Variants in MYOCD observed in about 807,000 individuals in gnomAD.
MYOCD encodes the protein myocardin.
Under a neutral mutation model 96.1 loss-of-function variants are expected in MYOCD, and 32 were observed. That is an observed-to-expected ratio of 0.33 (90% CI 0.25 to 0.45). MYOCD has a LOEUF of 0.45. Among genes scored for constraint, MYOCD ranks in the 20% least tolerant of loss-of-function variants. The pLI is 1.00. For missense variants in MYOCD, 1,133 were observed against 1,200.6 expected, an observed-to-expected ratio of 0.94 and a Z score of 0.83; for synonymous variants, 469 against 469.0, an observed-to-expected ratio of 1.00 and a Z score of 0.00.
intron 4 of MYOCD, among the ~76,000 whole-genome samples, chr17:12,721,429 G>T (rs539130616): frequency 6.6e-6 from 1 of 152,330 alleles, no homozygotes; most frequent in Non-Finnish European, 1.5e-5. Context: ...AAGCGAAAGA[G>T]ATCTATAAGA....
chr17:12,689,067 TTTC>T (rs552557289), intron 1 of MYOCD, among the ~76,000 whole-genome samples: 5 of 152,196 alleles, frequency 3.3e-5, no homozygotes, highest in African/African-American at 7.2e-5. Context: ...ATCTTTTCTA[TTTC>T]TTCTTCTTTC....
intron 1 of MYOCD, among the ~76,000 whole-genome samples, chr17:12,703,751 A>AT (rs137968466): frequency 0.021 from 3,105 of 149,550 alleles, 148 homozygotes; most frequent in Admixed American, 0.11. Flanking sequence ...GGCTCTGCTC[A>AT]TTTTTTTTTC....
chr17:12,717,357 C>G lies in MYOCD; in HGVS notation c.189C>G (p.Ser63=). The G allele has an allele frequency of 1.2e-6, 2 of 1,613,762 alleles. No homozygotes were observed. The highest frequency in any genetic ancestry group is 1.7e-6 in the Non-Finnish European group (2 of 1,179,858). The change falls in exon 4 of 14, where the codon TCC becomes TCG. Residue 63 remains serine (S), a synonymous_variant. Coordinates refer to ENST00000425538, the MANE Select transcript of MYOCD (RefSeq NM_001146312.3). ...TTTGGGTTCTACAGGCTAAAAATTC[C>G]CTGAAGCGCAAAGCCAGAAACAGGT... ...KHLDSDKAKN[S]LKRKARNRCN...
intron 1 of MYOCD, among the ~76,000 whole-genome samples, chr17:12,675,578 G>A (rs977278290): frequency 1.3e-5 from 2 of 152,280 alleles, no homozygotes; most frequent in East Asian, 1.9e-4. Flanking sequence ...AAAAGTATTG[G>A]CCAGGCACGG....
chr17:12,723,477 T>C (rs2031907998), intron 5 of MYOCD, among the ~76,000 whole-genome samples: 1 of 152,212 alleles, frequency 6.6e-6, no homozygotes, highest in Admixed American at 6.5e-5. Context: ...GCTCACAGGC[T>C]CCTGGGAGTG....
intron 1 of MYOCD, among the ~76,000 whole-genome samples, chr17:12,693,314 CAAAA>C (rs1012324610): frequency 6.6e-6 from 1 of 151,232 alleles, no homozygotes; most frequent in Non-Finnish European, 1.5e-5. Context: ...AACAAACAAA[CAAAA>C]AAAACCATAG....
intron 2 of MYOCD, among the ~76,000 whole-genome samples, chr17:12,713,818 C>G (rs1363714331): frequency 6.6e-6 from 1 of 152,136 alleles, no homozygotes; most frequent in Non-Finnish European, 1.5e-5. Flanking sequence ...AAAGAAAATG[C>G]ATGCGCAACA....
chr17:12,758,267 A>G (rs771101801), intron 12 of MYOCD, 54 bp downstream of exon 12: 18 of 1,609,866 alleles, frequency 1.1e-5, no homozygotes, highest in Non-Finnish European at 1.4e-5. Flanking sequence ...ATGAACAGAC[A>G]TTGTTTGATA....
intron 1 of MYOCD, among the ~76,000 whole-genome samples, chr17:12,702,889 T>G (rs997256219): frequency 6.6e-6 from 1 of 151,992 alleles, no homozygotes; most frequent in African/African-American, 2.4e-5. Context: ...TAATTTTTCC[T>G]TATAAAGTTG....
At chr17:12,736,518 A>T (rs772963156) in intron 6 of MYOCD, among the ~76,000 whole-genome samples, 182 bp downstream of exon 6, 3 of 152,194 alleles carry the variant, frequency 2.0e-5, no homozygotes, top group Non-Finnish European at 2.9e-5. Context: ...GTGTGGGGTG[A>T]CAAAAGCTCC....
intron 6 of MYOCD, among the ~76,000 whole-genome samples, chr17:12,738,901 G>A (rs2032422942): frequency 1.3e-5 from 2 of 151,358 alleles, no homozygotes; most frequent in Admixed American, 1.3e-4. Context: ...TCATTACTTA[G>A]AATGATTCCC....
chr17:12,678,869 G>A (rs960419858), intron 1 of MYOCD, among the ~76,000 whole-genome samples: 24 of 138,754 alleles, frequency 1.7e-4, no homozygotes, highest in Non-Finnish European at 6.3e-5. Context: ...CTAATTTTTT[G>A]TATTTTTTTA....
intron 5 of MYOCD, among the ~76,000 whole-genome samples, chr17:12,725,925 G>A (rs1249053963): frequency 6.6e-6 from 1 of 152,060 alleles, no homozygotes; most frequent in African/African-American, 2.4e-5. Context: ...AGATGATGAG[G>A]TGGCTTTTCT....
At chr17:12,708,869 G>A (rs981265880) in intron 2 of MYOCD, among the ~76,000 whole-genome samples, 7 of 152,048 alleles carry the variant, frequency 4.6e-5, no homozygotes, top group Admixed American at 2.0e-4. Context: ...TTTTTCAAAC[G>A]TTCAAAATGA....
intron 4 of MYOCD, 102 bp downstream of exon 4, chr17:12,717,523 C>T: frequency 1.1e-6 from 1 of 943,262 alleles, no homozygotes; most frequent in Non-Finnish European, 1.6e-6. Context: ...TCTTAAAAAT[C>T]TCCCTTGCCG....
At position 12,680,579 on chromosome 17, in the gene MYOCD, G is replaced by A. The variant is rs576575180; in HGVS notation, c.55+14336G>A. 5.9e-5 allele frequency among the ~76,000 whole-genome samples: 9 copies of A among 152,156 alleles called. No homozygotes were observed. The East Asian group carries it at 1.4e-3, about 23-fold the overall frequency. On this transcript the variant is annotated intron_variant, in intron 1 of 13. Coordinates refer to ENST00000425538, the MANE Select transcript of MYOCD (RefSeq NM_001146312.3). ...AGGTCAAATGGCAGGTCCTTTTCCC[G>A]GAGGCCCCTCCCACCGGCCCCGGGC...
At chr17:12,732,318 A>G (rs2032198622) in intron 5 of MYOCD, among the ~76,000 whole-genome samples, 1 of 151,784 alleles carries the variant, frequency 6.6e-6, no homozygotes, top group Non-Finnish European at 1.5e-5. Context: ...GCTAATGGCC[A>G]CTCTATCATT....
rs370836475 is a variant in MYOCD at position 12,752,396 on chromosome 17, A to G, written c.1126-18A>G. ...ATTGTCGTTAAACAGCACACTAACC[A>G]CATTCTGATTTCTTTAGGTCTCTGA... On this transcript the variant is annotated intron_variant, in intron 9 of 13. Coordinates refer to ENST00000425538, the MANE Select transcript of MYOCD (RefSeq NM_001146312.3). 3.0e-5 allele frequency: 47 copies of G among 1,584,700 alleles called. No individual in the cohort carries two copies. The highest frequency in any genetic ancestry group is 3.9e-5 in the Non-Finnish European group (46 of 1,165,220).
At chr17:12,722,761 G>A (rs1055101019) in intron 4 of MYOCD, 86 bp from the exon 5 acceptor site, 24 of 1,120,964 alleles carry the variant, frequency 2.1e-5, no homozygotes, top group Middle Eastern at 2.1e-4. Context: ...TGACACAATC[G>A]TTTGTAACCA....
Sources: gnomAD v4.1 joint callset for allele counts (sites outside exome capture counted in the v4.1 genomes callset) on GRCh38, gnomAD v4.1.1 for gene constraint, MANE v1.5 for transcripts, NCBI Gene and HGNC (gene_info 2026-07-23, HGNC 2026-07-21) for gene names.